The following SLC41A2 variants were observed in gnomAD, a reference collection of about 807,000 sequenced individuals.
The protein encoded by SLC41A2 is solute carrier family 41 member 2, also known as SLC41A1-like 1.
In SLC41A2, 32 loss-of-function variants were observed where a neutral mutation model predicts 58.3. The ratio of observed to expected loss-of-function variants is 0.55; its 90% confidence interval spans 0.41 to 0.74. The LOEUF is 0.74. Among genes scored for constraint, SLC41A2 ranks in the 30% least tolerant of loss-of-function variants. The probability of loss-of-function intolerance (pLI) is 0.00; values close to 1 mark genes in which losing one functional copy is unlikely to be tolerated. For synonymous variants in SLC41A2, 190 were observed against 235.0 expected (o/e 0.81, Z 1.75); for missense variants, 514 against 680.6 (o/e 0.76, Z 2.72).
chr12:104,932,610 G>A (rs1254115354), intron 1 of SLC41A2, among the ~76,000 whole-genome samples: 1 of 119,370 alleles, frequency 8.4e-6, no homozygotes, highest in Non-Finnish European at 1.7e-5. Context: ...GGGTGACGCA[G>A]TGAGACTTTG....
intron 6 of SLC41A2, among the ~76,000 whole-genome samples, chr12:104,871,595 C>T (rs2043779590): frequency 6.6e-6 from 1 of 152,164 alleles, no homozygotes; most frequent in Non-Finnish European, 1.5e-5. Flanking sequence ...TTCCCAGATA[C>T]TTTCTGCTAA....
intron 3 of SLC41A2, among the ~76,000 whole-genome samples, chr12:104,900,092 C>CT (rs2045487559): frequency 6.6e-6 from 1 of 152,154 alleles, no homozygotes; most frequent in Admixed American, 6.5e-5. Flanking sequence ...GCTAATAAGA[C>CT]TATCAGTTTT....
At chr12:104,815,598 A>C (rs2041363635) in intron 10 of SLC41A2, among the ~76,000 whole-genome samples, 1 of 152,172 alleles carries the variant, frequency 6.6e-6, no homozygotes, top group South Asian at 2.1e-4. Flanking sequence ...GTGTGAAGAA[A>C]GATGATTTCT....
At chr12:104,878,723 T>G (rs994896981) in intron 6 of SLC41A2, among the ~76,000 whole-genome samples, 3 of 152,218 alleles carry the variant, frequency 2.0e-5, no homozygotes, top group African/African-American at 7.2e-5. Context: ...TGTTGGACAT[T>G]TGGCTTGGTT....
rs200181317 is a variant in SLC41A2, at chr12:104,843,706, TAAACAAATG to T, written c.1536+757_1536+765del. On this transcript the variant is annotated intron_variant, in intron 10 of 10. Coordinates refer to ENST00000258538, the MANE Select transcript of SLC41A2 (RefSeq NM_001352171.3). ...CAAAAATAGAAGAAAACAGATATTT[TAAACAAATG>T]AAGTTTTAATCTTTTCTTCCTCCAC... 5.0e-3 allele frequency among the ~76,000 whole-genome samples: 754 copies of T among 152,248 alleles called. 14 individuals are homozygous for T. In the East Asian group the frequency reaches 0.06, roughly 12 times the overall value.
intron 2 of SLC41A2, among the ~76,000 whole-genome samples, chr12:104,922,748 A>G (rs758256944): frequency 2.0e-5 from 3 of 152,180 alleles, no homozygotes; most frequent in Non-Finnish European, 2.9e-5. Context: ...AGCACGCAGA[A>G]CATTCTACCA....
At position 104,821,064 on chromosome 12, in the gene SLC41A2, A is replaced by C. The variant is rs1483169295; in HGVS notation, c.1537-15727T>G. On this transcript the variant is annotated intron_variant, in intron 10 of 10. Coordinates refer to ENST00000258538, the MANE Select transcript of SLC41A2 (RefSeq NM_001352171.3). ...GTTATACAAGAACTTTCAGTGAACAATGTGTACAGTTTCTGTGATTCTTTT... is the reference window on the plus strand; with the variant it reads ...GTTATACAAGAACTTTCAGTGAACACTGTGTACAGTTTCTGTGATTCTTTT... Among the ~76,000 whole-genome samples, 7 of 152,320 alleles carry C rather than the reference A, an allele frequency of 4.6e-5. No homozygotes were observed. In the East Asian group the frequency reaches 1.3e-3, roughly 29 times the overall value.
chr12:104,888,805 G>A (rs1038416234), intron 5 of SLC41A2, among the ~76,000 whole-genome samples: 4 of 152,076 alleles, frequency 2.6e-5, no homozygotes, highest in Admixed American at 6.6e-5. Context: ...GAACTATAAC[G>A]GAGTATCCAA....
At chr12:104,865,265 T>C (rs2043385308) in intron 7 of SLC41A2, among the ~76,000 whole-genome samples, 1 of 152,208 alleles carries the variant, frequency 6.6e-6, no homozygotes. Context: ...TTACTTAGTC[T>C]TGCTATTTGT....
At chr12:104,845,443 C>T (rs2042568201) in intron 9 of SLC41A2, among the ~76,000 whole-genome samples, 2 of 152,124 alleles carry the variant, frequency 1.3e-5, no homozygotes, top group Non-Finnish European at 2.9e-5. Flanking sequence ...ATAAATAATG[C>T]ACTGTTCCTT....
intron 7 of SLC41A2, among the ~76,000 whole-genome samples, chr12:104,864,792 C>T (rs1481656172): frequency 2.6e-5 from 4 of 152,024 alleles, no homozygotes; most frequent in Non-Finnish European, 5.9e-5. Flanking sequence ...TCTTCTTTTG[C>T]ATTCTGTTCC....
chr12:104,956,595 C>T (rs2048178991), intron 1 of SLC41A2, among the ~76,000 whole-genome samples: 1 of 152,110 alleles, frequency 6.6e-6, no homozygotes, highest in Admixed American at 6.6e-5. Flanking sequence ...AGGAGAATCG[C>T]TTGAACCCCG....
chr12:104,950,394 T>G (rs891930725), intron 1 of SLC41A2, among the ~76,000 whole-genome samples: 2 of 152,314 alleles, frequency 1.3e-5, no homozygotes, highest in Non-Finnish European at 2.9e-5. Context: ...CTTCTCTCTC[T>G]CCTGTTGCCA....
chr12:104,835,175 C>T (rs2042165885), intron 10 of SLC41A2, among the ~76,000 whole-genome samples: 1 of 152,172 alleles, frequency 6.6e-6, no homozygotes, highest in Non-Finnish European at 1.5e-5. Context: ...CCCCTTTATA[C>T]AGGTGGGAAA....
At chr12:104,864,059 C>T (rs2043318164) in intron 7 of SLC41A2, among the ~76,000 whole-genome samples, 1 of 151,866 alleles carries the variant, frequency 6.6e-6, no homozygotes, top group Non-Finnish European at 1.5e-5. Context: ...TCATCCTGTA[C>T]CTTCCCTCCA....
rs1321825340 is a variant in SLC41A2, at chr12:104,895,351, A to G, written c.664-6T>C. ...TCCATCTTCCCAATATTTACCTGTT[A>G]AAGTGGATATTTTCATGTATCACTG... On this transcript the variant is annotated splice_region_variant and splice_polypyrimidine_tract_variant and intron_variant, in intron 3 of 10. Transcript: ENST00000258538. 1.9e-6 allele frequency: 3 copies of G among 1,605,702 alleles called. No homozygotes were observed. In the African/African-American group the frequency reaches 4.0e-5, roughly 21 times the overall value.
intron 6 of SLC41A2, among the ~76,000 whole-genome samples, chr12:104,885,543 G>A (rs1178800997): frequency 2.0e-5 from 3 of 152,052 alleles, no homozygotes; most frequent in African/African-American, 4.8e-5. Context: ...ATATACTCAT[G>A]TTTTTTTCTT....
chr12:104,860,394 TAA>T lies in SLC41A2; in HGVS notation c.1255+895_1255+896del, dbSNP rs745857381. Among the ~76,000 whole-genome samples, 676 of 101,654 alleles carry T rather than the reference TAA, an allele frequency of 6.7e-3. 7 individuals are homozygous for T. The highest frequency in any genetic ancestry group is 0.023 in the African/African-American group (615 of 27,070). The allele number at this position is 101,654 out of a possible 152,430, so 66.7% of individuals were successfully genotyped here. A position where few individuals can be genotyped will look rare whatever the true frequency, so the allele number is the denominator to read the frequency against. On this transcript the variant is annotated intron_variant, in intron 8 of 10. Coordinates refer to ENST00000258538, the MANE Select transcript of SLC41A2 (RefSeq NM_001352171.3). ...TGCACATGTATCCCAGAACTTAAAC[TAA>T]AAAAAAAAAAAAAAATCCACTTTAA... is the stretch of plus-strand genomic sequence containing the variant.
At chr12:104,875,970 T>A (rs975814575) in intron 6 of SLC41A2, among the ~76,000 whole-genome samples, 2 of 152,230 alleles carry the variant, frequency 1.3e-5, no homozygotes, top group African/African-American at 4.8e-5. Flanking sequence ...AATAACTATT[T>A]GTTATTGGTC....
Sources: gnomAD v4.1 joint callset for allele counts (sites outside exome capture counted in the v4.1 genomes callset) on GRCh38, gnomAD v4.1.1 for gene constraint, MANE v1.5 for transcripts, NCBI Gene and HGNC (gene_info 2026-07-23, HGNC 2026-07-21) for gene names.